ELFN2: variants seen among roughly 807,000 people sequenced by gnomAD.
ELFN2 encodes the protein protein phosphatase 1 regulatory subunit 29.
Under a neutral mutation model 45.5 loss-of-function variants are expected in ELFN2, and 17 were observed. The observed-to-expected ratio is 0.37, with a 90% CI of 0.26 to 0.56. The LOEUF (loss-of-function observed/expected upper bound fraction) is 0.56, where lower values mean the gene tolerates loss of function less well. Among genes scored for constraint, ELFN2 ranks in the 20% least tolerant of loss-of-function variants. The pLI is 0.77. For synonymous variants in ELFN2, 550 were observed against 551.5 expected, an observed-to-expected ratio of 1.00 and a Z score of 0.04; for missense variants, 922 against 1,183.2, an observed-to-expected ratio of 0.78 and a Z score of 3.24.
Position 37,373,584 on chromosome 22 carries a change from G to C in ELFN2, c.1951C>G (p.Pro651Ala). 1.2e-6 allele frequency: 2 copies of C among 1,607,408 alleles called. No individual in the cohort carries two copies. Among genetic ancestry groups the C allele is most frequent in the Non-Finnish European group, 8.5e-7 (1 of 1,178,116 alleles). ...KVFSLDVPDHPAATGLAKGDS... is the reference protein window; with the variant it reads ...KVFSLDVPDHAAATGLAKGDS... ...CCCTTAGCCAGCCCTGTGGCGGCCG[G>C]ATGGTCGGGCACGTCCAGGCTAAAG... Residue 651 changes from proline (P) to alanine (A), a missense_variant, in exon 3 of 3, where the codon CCG (proline) becomes GCG (alanine). Transcript: ENST00000402918.
intron 1 of ELFN2, among the ~76,000 whole-genome samples, chr22:37,358,778 A>C (rs562189844): frequency 6.6e-6 from 1 of 152,294 alleles, no homozygotes; most frequent in East Asian, 1.9e-4. Flanking sequence ...GGCTGCTATC[A>C]TCCCCCAAGT....
chr22:37,372,958 G>A lies in ELFN2; in HGVS notation c.*114C>T, dbSNP rs968586436. 22 of 1,248,662 alleles carry A rather than the reference G, an allele frequency of 1.8e-5. No homozygotes were observed. Among genetic ancestry groups the A allele is most frequent in the South Asian group, 1.4e-4 (9 of 65,038 alleles). The allele number at this position is 1,248,662 out of a possible 1,614,324, so 77.3% of individuals were successfully genotyped here. A position where few individuals can be genotyped will look rare whatever the true frequency, so the allele number is the denominator to read the frequency against. ...TGCGTGCGTGCGGGTCTGCATGTGC[G>A]TCCTCTCCTGGGCCTTGGCCCCCGA... On this transcript the variant is annotated 3_prime_UTR_variant, in exon 3 of 3. Coordinates refer to ENST00000402918, the MANE Select transcript of ELFN2 (RefSeq NM_052906.5). The surrounding 1 kb of genome is among the most constrained non-coding windows in gnomAD (Gnocchi z 4.4).
chr22:37,422,340 T>C (rs192923698), intron 1 of ELFN2, among the ~76,000 whole-genome samples: 1 of 152,136 alleles, frequency 6.6e-6, no homozygotes, highest in East Asian at 1.9e-4. Context: ...ACCTAACCTT[T>C]AGCATGACCT....
chr22:37,406,056 C>A (rs780520484), intron 2 of ELFN2, among the ~76,000 whole-genome samples: 3 of 152,052 alleles, frequency 2.0e-5, no homozygotes, highest in Admixed American at 6.6e-5. Flanking sequence ...ATGGGAGGAT[C>A]GCTTGAGCCT....
At position 37,402,483 on chromosome 22, in the gene ELFN2, G is replaced by C. The variant is rs183545399; in HGVS notation, c.-463+15286C>G. Reference sequence around the variant, plus strand: ...TCTGAGTTTCCCACCCCTAGTTCTTGCCTCTCAAAAGCCTTTCCAACTGGT... The same window carrying C: ...TCTGAGTTTCCCACCCCTAGTTCTTCCCTCTCAAAAGCCTTTCCAACTGGT... On this transcript the variant is annotated intron_variant, in intron 2 of 2. Transcript: ENST00000402918. 4.5e-3 allele frequency among the ~76,000 whole-genome samples: 688 copies of C among 152,264 alleles called. 3 individuals are homozygous for C. The highest frequency in any genetic ancestry group is 8.3e-3 in the Non-Finnish European group (567 of 68,022).
intron 1 of ELFN2, among the ~76,000 whole-genome samples, chr22:37,424,431 A>C (rs574151753): frequency 6.6e-6 from 1 of 152,218 alleles, no homozygotes; most frequent in South Asian, 2.1e-4. Context: ...CCCACTGGAG[A>C]AGGCTTGCTG....
At chr22:37,363,729 T>A (rs1054167871), downstream of ELFN2, among the ~76,000 whole-genome samples, 1 of 151,046 alleles carries the variant, frequency 6.6e-6, no homozygotes, top group Non-Finnish European at 1.5e-5. Flanking sequence ...CAGGCAGGAG[T>A]GGTGGGGAAA....
rs1932768467 is a variant in ELFN2, at chr22:37,417,166, C to T, written c.-463+603G>A. ...CTCCAGGGCAGCCACCAGCCCCAGC[C>T]AGGACGGAGCAGCTCCTTCTGCCTG... On this transcript the variant is annotated intron_variant, in intron 2 of 2. Transcript: ENST00000402918. This position sits in a 1 kb window ranked among gnomAD's most constrained non-coding sequence, Gnocchi z 4.5. Among the ~76,000 whole-genome samples the T allele has an allele frequency of 6.6e-6, 1 of 152,182 alleles. No individual in the cohort carries two copies. Among genetic ancestry groups the T allele is most frequent in the Non-Finnish European group, 1.5e-5 (1 of 68,024 alleles).
At position 37,383,846 on chromosome 22, in the gene ELFN2, T is replaced by C. The variant is rs950127495; in HGVS notation, c.-462-7850A>G. Among the ~76,000 whole-genome samples the C allele has an allele frequency of 3.9e-5, 6 of 152,142 alleles. No homozygotes were observed. In the South Asian group the frequency reaches 1.2e-3, roughly 32 times the overall value. On this transcript the variant is annotated intron_variant, in intron 2 of 2. Coordinates refer to ENST00000402918, the MANE Select transcript of ELFN2 (RefSeq NM_052906.5). ...CAGGGTCTCTGCAAGGCCTTGGTGC[T>C]TTGGACGCGCATCTCCAGGTGTAAC...
In ELFN2 at chr22:37,374,755, G is replaced by C. The variant is rs1163267762; in HGVS notation, c.780C>G (p.Pro260=). The C allele has an allele frequency of 2.5e-6, 4 of 1,610,480 alleles. No homozygotes were observed. Among genetic ancestry groups the C allele is most frequent in the Admixed American group, 3.3e-5 (2 of 59,978 alleles). ...GCTCCCTCTGGGCGTCGGTGGAGTA[G>C]GGCGTGGGGTGGCTCACGGGCCGGG... is the stretch of plus-strand genomic sequence containing the variant. ...LPARPVSHPT[P]YSTDAQREPD... The change falls in exon 3 of 3, where the codon CCC becomes CCG. Residue 260 remains proline (P), a synonymous_variant. Transcript: ENST00000402918.
chr22:37,391,008 A>C (rs1438154065), intron 2 of ELFN2, among the ~76,000 whole-genome samples: 2 of 152,248 alleles, frequency 1.3e-5, no homozygotes, highest in Non-Finnish European at 2.9e-5. Flanking sequence ...GACAAGAGGC[A>C]GAGAAAGGAG....
intron 2 of ELFN2, among the ~76,000 whole-genome samples, chr22:37,377,317 A>G (rs1219394668): frequency 6.6e-6 from 1 of 152,146 alleles, no homozygotes; most frequent in Admixed American, 6.5e-5. Flanking sequence ...AACTATGGGA[A>G]CAGCCCAGTT....
intron 1 of ELFN2, among the ~76,000 whole-genome samples, chr22:37,424,585 A>G (rs993576193): frequency 2.0e-5 from 3 of 151,824 alleles, no homozygotes; most frequent in African/African-American, 7.3e-5. Flanking sequence ...CCCACCACCA[A>G]TTCCTCATAG....
chr22:37,390,596 C>A (rs1057352114), intron 2 of ELFN2, among the ~76,000 whole-genome samples: 4 of 31,650 alleles, frequency 1.3e-4, no homozygotes, highest in African/African-American at 6.2e-4. Flanking sequence ...CAAAGGCATC[C>A]TCAGATCCGC....
Position 37,374,297 on chromosome 22 carries a change from C to T in ELFN2, c.1238G>A (p.Gly413Glu). 1 of 1,613,874 alleles carries T rather than the reference C, an allele frequency of 6.2e-7. No homozygotes were observed. Among genetic ancestry groups the T allele is most frequent in the Non-Finnish European group, 8.5e-7 (1 of 1,179,936 alleles). ...GCLFGMVIVLGAVYYCLRKRR... is the reference protein window; with the variant it reads ...GCLFGMVIVLEAVYYCLRKRR... The stretch of plus-strand genomic sequence containing the variant: ...CTTGCGCAGGCAGTAGTACACGGCT[C>T]CCAGCACGATAACCATGCCAAAGAG... Residue 413 changes from glycine (G) to glutamate (E), a missense_variant, in exon 3 of 3, where the codon GGA becomes GAA. By Grantham distance (98) the Gly-to-Glu change is moderately conservative (BLOSUM62 -2). Transcript: ENST00000402918.
intron 1 of ELFN2, chr22:37,420,499 T>C (rs1932802191): frequency 6.5e-6 from 1 of 152,994 alleles, no homozygotes; most frequent in Admixed American, 6.5e-5. Flanking sequence ...AGCCGCAAAC[T>C]CAGCTCCACC....
chr22:37,401,826 C>A (rs890037968), intron 2 of ELFN2, among the ~76,000 whole-genome samples: 1 of 152,254 alleles, frequency 6.6e-6, no homozygotes, highest in Non-Finnish European at 1.5e-5. Flanking sequence ...CCCAGCTCCA[C>A]AACACCCTTC....
downstream of ELFN2, among the ~76,000 whole-genome samples, chr22:37,365,782 T>C (rs544778932): frequency 6.6e-6 from 1 of 152,278 alleles, no homozygotes; most frequent in African/African-American, 2.4e-5. Flanking sequence ...ATCCACGAGG[T>C]ACAGCCACAC....
downstream of ELFN2, among the ~76,000 whole-genome samples, chr22:37,366,491 A>C (rs1458724723): frequency 6.6e-6 from 1 of 152,198 alleles, no homozygotes; most frequent in Non-Finnish European, 1.5e-5. Context: ...AAGTTTCCTG[A>C]GGAGTAGAAT....
Sources: allele counts gnomAD v4.1 joint callset (sites outside exome capture counted in the v4.1 genomes callset), GRCh38; gene constraint gnomAD v4.1.1; non-coding constraint Gnocchi (gnomAD v3.1); transcripts MANE v1.5; gene names NCBI Gene and HGNC (gene_info 2026-07-23, HGNC 2026-07-21).